The following PPP6R3 variants were observed in gnomAD, a reference collection of about 807,000 sequenced individuals.
PPP6R3 encodes the protein protein phosphatase 6 regulatory subunit 3, also known as serine/threonine-protein phosphatase 6 regulatory subunit 3.
PPP6R3 carries 38 observed loss-of-function variants against 110.7 expected under a neutral mutation model. The observed-to-expected ratio is 0.34, with a 90% CI of 0.26 to 0.45. PPP6R3 has a LOEUF of 0.45. Ranked by LOEUF, PPP6R3 falls within the 20% of genes least tolerant of loss-of-function variation. The pLI is 1.00. For synonymous variants in PPP6R3, 369 were observed against 373.5 expected (o/e 0.99, Z 0.14); for missense variants, 870 against 1,062.4 (o/e 0.82, Z 2.52).
chr11:68,522,328 A>G (rs11228269), intron 2 of PPP6R3, among the ~76,000 whole-genome samples: 38,058 of 152,182 alleles, frequency 0.25, 4,996 homozygotes, highest in Middle Eastern at 0.33. Flanking sequence ...TCCTACAGGA[A>G]GTGTATGAAG....
At chr11:68,538,601 T>A (rs892649803) in intron 3 of PPP6R3, among the ~76,000 whole-genome samples, 1 of 152,214 alleles carries the variant, frequency 6.6e-6, no homozygotes, top group African/African-American at 2.4e-5. Context: ...GAATTAGGCT[T>A]TTAGTAGTGT....
chr11:68,524,597 T>A (rs2099186413), intron 2 of PPP6R3, among the ~76,000 whole-genome samples: 1 of 152,248 alleles, frequency 6.6e-6, no homozygotes, highest in South Asian at 2.1e-4. Flanking sequence ...ACTTTTTTGT[T>A]TCTTTTCTTC....
chr11:68,586,123 T>C (rs746267419), intron 15 of PPP6R3, among the ~76,000 whole-genome samples: 1 of 152,098 alleles, frequency 6.6e-6, no homozygotes, highest in Admixed American at 6.5e-5. Flanking sequence ...AATTTTTTTT[T>C]GGAGGGGAAA....
At chr11:68,544,772 T>G in intron 3 of PPP6R3, 66 bp from the exon 4 acceptor site, 1 of 1,113,052 alleles carries the variant, frequency 9.0e-7, no homozygotes, top group Non-Finnish European at 1.2e-6. Flanking sequence ...CCTTTCTGAT[T>G]TGTGTTTATC....
At chr11:68,467,806 A>T (rs957315174) in intron 1 of PPP6R3, among the ~76,000 whole-genome samples, 3 of 152,132 alleles carry the variant, frequency 2.0e-5, no homozygotes, top group African/African-American at 7.2e-5. Flanking sequence ...ATGGACTCTC[A>T]GTCTGTCGCC....
chr11:68,583,022 T>G, intron 14 of PPP6R3, 21 bp from the exon 15 acceptor site: 1 of 1,447,396 alleles, frequency 6.9e-7, no homozygotes, highest in Non-Finnish European at 9.3e-7. Flanking sequence ...TAAATAGTCT[T>G]TTACATTTTT....
intron 1 of PPP6R3, among the ~76,000 whole-genome samples, chr11:68,499,248 G>A (rs542313754): frequency 6.6e-6 from 1 of 152,214 alleles, no homozygotes; most frequent in African/African-American, 2.4e-5. Context: ...TGGCATGGTT[G>A]TCTGCTTCTG....
intron 13 of PPP6R3, among the ~76,000 whole-genome samples, chr11:68,574,481 A>G (rs953736323): frequency 7.9e-5 from 12 of 152,158 alleles, no homozygotes; most frequent in Non-Finnish European, 1.3e-4. Context: ...AGAGTCACCT[A>G]TTGTCATTCT....
intron 14 of PPP6R3, among the ~76,000 whole-genome samples, chr11:68,576,299 C>T (rs1306366784): frequency 6.6e-6 from 1 of 152,226 alleles, no homozygotes; most frequent in African/African-American, 2.4e-5. Context: ...TACTTAGTGT[C>T]CATTTCCCTC....
At chr11:68,556,903 T>A (rs1488935473) in intron 7 of PPP6R3, among the ~76,000 whole-genome samples, 1 of 152,234 alleles carries the variant, frequency 6.6e-6, no homozygotes, top group Non-Finnish European at 1.5e-5. Flanking sequence ...TTCTTGTCCA[T>A]TAGTAGAATT....
At position 68,532,632 on chromosome 11, in the gene PPP6R3, A is replaced by G. The variant is rs1375104146; in HGVS notation, c.-6-5027A>G. Among the ~76,000 whole-genome samples, 8 of 152,336 alleles carry G rather than the reference A, an allele frequency of 5.3e-5. No homozygotes were observed. The South Asian group carries it at 1.2e-3, about 24-fold the overall frequency. ...GGGGCTGAAAAATTCCCGTCACCTA[A>G]TGACTGATACGAATGAAAATTCCTG... On this transcript the variant is annotated intron_variant, in intron 2 of 23. Coordinates refer to ENST00000393800, the MANE Select transcript of PPP6R3 (RefSeq NM_001164161.2).
At chr11:68,488,737 A>G (rs530541159) in intron 1 of PPP6R3, 5 of 152,146 alleles carry the variant, frequency 3.3e-5, no homozygotes, top group Non-Finnish European at 7.3e-5. Context: ...ATGATGGCCT[A>G]CTTGGTGTAG....
chr11:68,504,355 G>C (rs1320078061), intron 1 of PPP6R3, among the ~76,000 whole-genome samples: 1 of 152,142 alleles, frequency 6.6e-6, no homozygotes, highest in Non-Finnish European at 1.5e-5. Flanking sequence ...CCTTTGAAAA[G>C]AGCTGTGTAG....
chr11:68,552,157 C>G (rs1326939239), intron 6 of PPP6R3, among the ~76,000 whole-genome samples: 3 of 151,434 alleles, frequency 2.0e-5, no homozygotes, highest in African/African-American at 7.3e-5. Flanking sequence ...CCATTTTTAC[C>G]TACAGACATG....
At chr11:68,493,801 CTT>C (rs1276569310) in intron 1 of PPP6R3, among the ~76,000 whole-genome samples, 1 of 151,466 alleles carries the variant, frequency 6.6e-6, no homozygotes, top group Non-Finnish European at 1.5e-5. Flanking sequence ...TTATAGTACT[CTT>C]TTAAAACGCT....
At chr11:68,530,168 A>G (rs6591340) in intron 2 of PPP6R3, among the ~76,000 whole-genome samples, 35,024 of 152,184 alleles carry the variant, frequency 0.23, 4,280 homozygotes, top group Middle Eastern at 0.32. Context: ...GTGTGGCTCA[A>G]AAGTTTATTT....
At chr11:68,519,293 G>A (rs923710678) in intron 1 of PPP6R3, among the ~76,000 whole-genome samples, 5 of 152,126 alleles carry the variant, frequency 3.3e-5, no homozygotes, top group Admixed American at 2.0e-4. Flanking sequence ...ATACTGTTTA[G>A]GGTAGGATAA....
chr11:68,462,952 C>G (rs2098718969), intron 1 of PPP6R3, among the ~76,000 whole-genome samples: 1 of 152,100 alleles, frequency 6.6e-6, no homozygotes, highest in African/African-American at 2.4e-5. Context: ...TAAAGTATAG[C>G]AAAGCAAAGT....
At chr11:68,513,831 C>G (rs1182661857) in intron 1 of PPP6R3, among the ~76,000 whole-genome samples, 1 of 152,154 alleles carries the variant, frequency 6.6e-6, no homozygotes, top group Non-Finnish European at 1.5e-5. Context: ...AAGCGTTGTA[C>G]ATATGTGTAA....
Sources: gnomAD v4.1 joint callset for allele counts (sites outside exome capture counted in the v4.1 genomes callset) on GRCh38, gnomAD v4.1.1 for gene constraint, MANE v1.5 for transcripts, NCBI Gene and HGNC (gene_info 2026-07-23, HGNC 2026-07-21) for gene names.